The following RRAGB variants were observed in gnomAD, a reference collection of about 807,000 sequenced individuals.
RRAGB encodes Ras related GTP binding B.
RRAGB carries 6 observed loss-of-function variants against 29.3 expected under a neutral mutation model. The observed-to-expected ratio is 0.21, with a 90% CI of 0.11 to 0.40. The LOEUF (loss-of-function observed/expected upper bound fraction) is 0.40, where lower values mean the gene tolerates loss of function less well. RRAGB is among the 10% of genes least tolerant of loss of function. The pLI, the probability that RRAGB is intolerant of heterozygous loss-of-function variation, is 1.00. For missense variants in RRAGB, 184 were observed against 272.9 expected, an observed-to-expected ratio of 0.67 and a Z score of 2.29; for synonymous variants, 101 against 92.5, an observed-to-expected ratio of 1.09 and a Z score of -0.53.
intron 5 of RRAGB, among the ~76,000 whole-genome samples, chrX:55,738,133 CT>C (rs2033929908): frequency 8.9e-6 from 1 of 112,562 alleles, no homozygotes; most frequent in Middle Eastern, 4.6e-3. Flanking sequence ...TTTCTTTTTT[CT>C]TTTTTGGTGT....
chrX:55,735,486 C>T (rs2033835678), intron 5 of RRAGB, among the ~76,000 whole-genome samples: 1 of 112,301 alleles, frequency 8.9e-6, no homozygotes. Context: ...TACCCATCTG[C>T]CTTAAGTCTA....
chrX:55,750,627 A>G (rs2034495774), intron 5 of RRAGB, among the ~76,000 whole-genome samples: 2 of 111,789 alleles, frequency 1.8e-5, no homozygotes, highest in Non-Finnish European at 3.8e-5. Context: ...GTGTATGTAC[A>G]TATTTAACAA....
At chrX:55,729,492 A>G (rs781227430) in intron 4 of RRAGB, 132 bp downstream of exon 4, 1 of 421,165 alleles carries the variant, frequency 2.4e-6, no homozygotes, top group Non-Finnish European at 4.1e-6. Flanking sequence ...TAAAATTGAC[A>G]CTTGAGTCAA....
rs182528209 is a variant in RRAGB at position 55,739,325 on chromosome X, G to A, written c.516+7739G>A. The stretch of plus-strand genomic sequence containing the variant: ...TGGCCAAGGGAGTTTGTCCTCACTC[G>A]AGAGATTAGACTGCAGATCTCAGTT... On this transcript the variant is annotated intron_variant, in intron 5 of 9. Coordinates refer to ENST00000374941, the MANE Select transcript of RRAGB (RefSeq NM_006064.5). 3.0e-3 allele frequency among the ~76,000 whole-genome samples: 334 copies of A among 112,333 alleles called. 3 individuals are homozygous for A. Among genetic ancestry groups the A allele is most frequent in the African/African-American group, 0.01 (324 of 30,955 alleles).
intron 8 of RRAGB, 41 bp from the exon 9 acceptor site, chrX:55,757,175 A>C (rs746205613): frequency 2.7e-5 from 20 of 746,189 alleles, no homozygotes; most frequent in Admixed American, 6.9e-5. Context: ...TTGTAGTGTT[A>C]TTATTTCATT....
chrX:55,739,571 G>A (rs1307547691), intron 5 of RRAGB, among the ~76,000 whole-genome samples: 1 of 112,146 alleles, frequency 8.9e-6, no homozygotes, highest in African/African-American at 3.2e-5. Context: ...TTCTCAGTGG[G>A]AATGTGTATC....
intron 5 of RRAGB, among the ~76,000 whole-genome samples, chrX:55,740,098 G>A (rs745893517): frequency 5.0e-4 from 56 of 111,522 alleles, no homozygotes; most frequent in East Asian, 5.7e-4. Context: ...CGTGGCGGGC[G>A]GATCACAAGG....
chrX:55,745,702 C>A (rs1471048625), intron 5 of RRAGB, among the ~76,000 whole-genome samples: 3 of 112,231 alleles, frequency 2.7e-5, no homozygotes, highest in Non-Finnish European at 5.6e-5. Flanking sequence ...AGGTAGAGGT[C>A]ATTCTAATGG....
chrX:55,726,601 C>A (rs1282434167), intron 3 of RRAGB, among the ~76,000 whole-genome samples: 1 of 110,753 alleles, frequency 9.0e-6, no homozygotes, highest in African/African-American at 3.3e-5. Context: ...GATTTGAGAT[C>A]TATTTAAGAG....
chrX:55,719,019 TTTGA>T (rs1199213433), intron 1 of RRAGB, among the ~76,000 whole-genome samples: 5 of 112,341 alleles, frequency 4.5e-5, no homozygotes, highest in African/African-American at 6.5e-5. Context: ...GCTGTGTTGC[TTTGA>T]TTAAGATGAT....
chrX:55,752,986 G>A (rs904595528), intron 6 of RRAGB, among the ~76,000 whole-genome samples: 2 of 111,669 alleles, frequency 1.8e-5, no homozygotes, highest in African/African-American at 6.5e-5. Flanking sequence ...GTTAAATATA[G>A]CATAATTAGG....
chrX:55,755,765 A>G, intron 7 of RRAGB, 76 bp from the exon 8 acceptor site: 1 of 1,138,717 alleles, frequency 8.8e-7, no homozygotes, highest in East Asian at 3.1e-5. Flanking sequence ...GGACTGACAA[A>G]TGTCTGCTTT....
At chrX:55,734,469 T>C (rs921668442) in intron 5 of RRAGB, among the ~76,000 whole-genome samples, 3 of 111,758 alleles carry the variant, frequency 2.7e-5, no homozygotes, top group African/African-American at 9.7e-5. Context: ...ATCAGTATGA[T>C]GTTTCCATTT....
At chrX:55,744,879 C>T (rs369572628) in intron 5 of RRAGB, among the ~76,000 whole-genome samples, 1 of 112,021 alleles carries the variant, frequency 8.9e-6, no homozygotes, top group African/African-American at 3.2e-5. Context: ...TCAAAACTGT[C>T]AGGTTTTTGG....
In RRAGB at chrX:55,755,939, G is replaced by A; in HGVS notation, c.827+7G>A. 1 of 1,127,953 alleles carries A rather than the reference G, an allele frequency of 8.9e-7. No homozygotes were observed. The highest frequency in any genetic ancestry group is 1.9e-5 in the South Asian group (1 of 53,935). 93.0% of individuals were successfully genotyped at this position (1,127,953 alleles called of 1,213,427 possible). ...AGTTCAAGCTGAGCTGCAGGTAAGA[G>A]ATCTAGTAGGAATGATCTGTTTATC... On this transcript the variant is annotated splice_region_variant and intron_variant, in intron 8 of 9. Transcript: ENST00000374941.
intron 3 of RRAGB, among the ~76,000 whole-genome samples, chrX:55,723,449 T>C (rs1332372448): frequency 9.5e-6 from 1 of 105,753 alleles, no homozygotes; most frequent in African/African-American, 3.4e-5. Flanking sequence ...GCCTATTTCT[T>C]TTTTTTTTTT....
intron 7 of RRAGB, 37 bp downstream of exon 7, chrX:55,753,551 G>A: frequency 8.8e-7 from 1 of 1,133,979 alleles, no homozygotes; most frequent in Non-Finnish European, 1.2e-6. Context: ...ACTTCACACT[G>A]TACGTTCTTT....
intron 5 of RRAGB, among the ~76,000 whole-genome samples, chrX:55,737,989 T>A (rs986261746): frequency 6.2e-5 from 7 of 112,165 alleles, no homozygotes; most frequent in Non-Finnish European, 1.3e-4. Context: ...TGCTCGTGAG[T>A]GCAAAGAAGT....
At chrX:55,756,947 T>G (rs2034671517) in intron 8 of RRAGB, among the ~76,000 whole-genome samples, 1 of 111,687 alleles carries the variant, frequency 9.0e-6, no homozygotes, top group South Asian at 3.7e-4. Flanking sequence ...AGAGCGAAAC[T>G]CTTGACTCAT....
Sources: gnomAD v4.1 joint callset for allele counts (sites outside exome capture counted in the v4.1 genomes callset) on GRCh38, gnomAD v4.1.1 for gene constraint, MANE v1.5 for transcripts, NCBI Gene and HGNC (gene_info 2026-07-23, HGNC 2026-07-21) for gene names.